IQCH: variants seen among roughly 807,000 people sequenced by gnomAD.
IQCH encodes the protein IQ motif containing H.
A neutral mutation model predicts 117.0 loss-of-function variants in IQCH; 98 were observed. The observed-to-expected ratio is 0.84, with a 90% CI of 0.71 to 0.99. IQCH has a LOEUF of 0.99. Ranked by LOEUF, IQCH falls within the 50% of genes least tolerant of loss-of-function variation. IQCH has a pLI of 0.00. For missense variants in IQCH, 1,102 were observed against 1,243.8 expected (o/e 0.89, Z 1.72); for synonymous variants, 412 against 448.2 (o/e 0.92, Z 1.02).
At chr15:67,438,801 G>A (rs1345607534) in intron 16 of IQCH, among the ~76,000 whole-genome samples, 1 of 152,166 alleles carries the variant, frequency 6.6e-6, no homozygotes, top group Non-Finnish European at 1.5e-5. Flanking sequence ...CAGCAGTTAA[G>A]AGACAAAGAG....
rs1351075775 is a variant in IQCH, at chr15:67,426,114, C to T, written c.2505+4537C>T. Among the ~76,000 whole-genome samples the T allele has an allele frequency of 2.6e-5, 4 of 152,106 alleles. No individual in the cohort carries two copies. Among genetic ancestry groups the T allele is most frequent in the Non-Finnish European group, 4.4e-5 (3 of 68,024 alleles). On this transcript the variant is annotated intron_variant, in intron 16 of 20. Transcript: ENST00000335894. This position sits in a 1 kb window ranked among gnomAD's most constrained non-coding sequence, Gnocchi z 5.1. ...ATTTTCCTTGCCCTGGACCTAGGAT[C>T]GACTCAGAAGCCCTGTAAGATCTGG...
At chr15:67,262,265 G>A (rs981475855) in intron 2 of IQCH, among the ~76,000 whole-genome samples, 7 of 152,118 alleles carry the variant, frequency 4.6e-5, no homozygotes, top group East Asian at 1.9e-4. Flanking sequence ...ATCTAAGGTC[G>A]GGGAGAATCC....
rs1567183430 is a variant in IQCH, at chr15:67,432,927, A to T, written c.2505+11350A>T. On this transcript the variant is annotated intron_variant, in intron 16 of 20. Transcript: ENST00000335894. The surrounding 1 kb of genome is among the most constrained non-coding windows in gnomAD (Gnocchi z 5.0). ...CAAGATCTCCCCTATCTCTGTTTTC[A>T]AGATATACAAGGTATTCACCAAGGA... is the stretch of plus-strand genomic sequence containing the variant. Among the ~76,000 whole-genome samples, 1 of 152,214 alleles carries T rather than the reference A, an allele frequency of 6.6e-6. No homozygotes were observed. Among genetic ancestry groups the T allele is most frequent in the Non-Finnish European group, 1.5e-5 (1 of 68,028 alleles).
At chr15:67,449,699 G>A (rs2082472831) in intron 16 of IQCH, among the ~76,000 whole-genome samples, 1 of 152,170 alleles carries the variant, frequency 6.6e-6, no homozygotes, top group Admixed American at 6.5e-5. Flanking sequence ...GATTGACTTG[G>A]CCATGTGGGC....
chr15:67,324,753 T>C (rs1421787918), intron 4 of IQCH, among the ~76,000 whole-genome samples: 2 of 152,176 alleles, frequency 1.3e-5, no homozygotes, highest in Non-Finnish European at 1.5e-5. Flanking sequence ...TTCCATTGTT[T>C]CTGATGAGAA....
At chr15:67,303,602 T>C (rs1967157964) in intron 4 of IQCH, among the ~76,000 whole-genome samples, 1 of 152,068 alleles carries the variant, frequency 6.6e-6, no homozygotes, top group Admixed American at 6.6e-5. Flanking sequence ...AGAAACTGAC[T>C]TCCATAGAGG....
rs1971831628 is a variant in IQCH at position 67,405,017 on chromosome 15, G to A, written c.2097+4712G>A. 1 of 152,094 alleles carries A rather than the reference G, an allele frequency of 6.6e-6. No individual in the cohort carries two copies. The highest frequency in any genetic ancestry group is 2.4e-5 in the African/African-American group (1 of 41,424). 9.4% of individuals were successfully genotyped at this position (152,094 alleles called of 1,614,324 possible). A position where few individuals can be genotyped will look rare whatever the true frequency, so the allele number is the denominator to read the frequency against. The stretch of plus-strand genomic sequence containing the variant: ...TTTTACCACAACCTTACCACCAATG[G>A]ATATTATGAACTATTTGCACTTTTA... On this transcript the variant is annotated intron_variant, in intron 14 of 20. Coordinates refer to ENST00000335894, the MANE Select transcript of IQCH (RefSeq NM_001031715.3). The surrounding 1 kb of genome is among the most constrained non-coding windows in gnomAD (Gnocchi z 4.8).
intron 16 of IQCH, among the ~76,000 whole-genome samples, chr15:67,461,268 G>A (rs943715380): frequency 9.2e-5 from 14 of 152,200 alleles, no homozygotes; most frequent in African/African-American, 1.9e-4. Context: ...GGCCTGGCAC[G>A]GAGGAGGTGC....
rs2082960691 is a variant in IQCH at position 67,467,336 on chromosome 15, G to A, written c.2676+2039G>A. Among the ~76,000 whole-genome samples the A allele has an allele frequency of 6.6e-6, 1 of 152,226 alleles. No homozygotes were observed. The highest frequency in any genetic ancestry group is 1.5e-5 in the Non-Finnish European group (1 of 68,044). ...TCAGAAGGCTATCAGCAGAAGTTGT[G>A]CTTTGAGTGAGAAGCACTCTTCCAT... On this transcript the variant is annotated intron_variant, in intron 17 of 20. Transcript: ENST00000335894. This position sits in a 1 kb window ranked among gnomAD's most constrained non-coding sequence, Gnocchi z 5.7.
intron 4 of IQCH, among the ~76,000 whole-genome samples, chr15:67,327,326 T>C (rs975065850): frequency 1.3e-5 from 2 of 152,206 alleles, no homozygotes; most frequent in African/African-American, 2.4e-5. Context: ...TTTGGTCATC[T>C]ATTTAAAAAC....
intron 18 of IQCH, among the ~76,000 whole-genome samples, chr15:67,477,142 C>T (rs1198803148): frequency 2.1e-5 from 3 of 144,960 alleles, no homozygotes; most frequent in African/African-American, 7.7e-5. Context: ...CCTCCGCCTC[C>T]TGGGTTCAAG....
intron 16 of IQCH, among the ~76,000 whole-genome samples, chr15:67,462,352 C>T (rs1034783959): frequency 1.3e-5 from 2 of 150,658 alleles, no homozygotes; most frequent in Non-Finnish European, 3.0e-5. Context: ...TGCTTGAACC[C>T]GGGAGGCAGA....
chr15:67,302,259 A>G (rs375120682), intron 4 of IQCH, among the ~76,000 whole-genome samples: 1 of 152,192 alleles, frequency 6.6e-6, no homozygotes, highest in East Asian at 1.9e-4. Context: ...AGTCAATACA[A>G]TACATATTAG....
rs200254535 is a variant in IQCH, at chr15:67,441,122, C to CAAAAAAAAAAAA, written c.2505+19565_2505+19576dup. Among the ~76,000 whole-genome samples the CAAAAAAAAAAAA allele has an allele frequency of 3.3e-4, 18 of 54,006 alleles. 1 individual carries two copies. The highest frequency in any genetic ancestry group is 6.2e-4 in the South Asian group (1 of 1,604). 35.4% of individuals were successfully genotyped at this position (54,006 alleles called of 152,430 possible). A position where few individuals can be genotyped will look rare whatever the true frequency, so the allele number is the denominator to read the frequency against. On this transcript the variant is annotated intron_variant, in intron 16 of 20. Transcript: ENST00000335894. ...AACTCAACTCCTTTTGCAATAGCTG[C>CAAAAAAAAAAAA]AAAAAAAAAAAAAAAAAAAAAAAAA...
intron 8 of IQCH, among the ~76,000 whole-genome samples, chr15:67,361,897 TC>T (rs1470608825): frequency 1.2e-4 from 18 of 152,334 alleles, no homozygotes; most frequent in Admixed American, 8.5e-4. Context: ...AGGAAATAAA[TC>T]TTTTTATTAT....
At chr15:67,255,515 T>C (rs1965128646) in intron 1 of IQCH, among the ~76,000 whole-genome samples, 1 of 152,236 alleles carries the variant, frequency 6.6e-6, no homozygotes, top group Admixed American at 6.5e-5. Context: ...GAAAGTCTTG[T>C]CCAATACAGC....
At chr15:67,283,457 C>T (rs1208694235) in intron 4 of IQCH, among the ~76,000 whole-genome samples, 1 of 151,818 alleles carries the variant, frequency 6.6e-6, no homozygotes, top group Non-Finnish European at 1.5e-5. Flanking sequence ...CAATTATTCA[C>T]ATAAAATATA....
chr15:67,412,504 G>T (rs887901945), intron 14 of IQCH, among the ~76,000 whole-genome samples: 1 of 151,982 alleles, frequency 6.6e-6, no homozygotes, highest in Non-Finnish European at 1.5e-5. Flanking sequence ...CTGCCTCCTG[G>T]ATTCAAGCCT....
Position 67,494,117 on chromosome 15 carries a change from T to G in IQCH, c.2862-141T>G. 1 of 547,080 alleles carries G rather than the reference T, an allele frequency of 1.8e-6. No homozygotes were observed. Among genetic ancestry groups the G allele is most frequent in the Non-Finnish European group, 3.2e-6 (1 of 315,394 alleles). 33.9% of individuals were successfully genotyped at this position (547,080 alleles called of 1,614,324 possible). A position where few individuals can be genotyped will look rare whatever the true frequency, so the allele number is the denominator to read the frequency against. ...TTAAAATGGAGTCTCATCTTTCATA[T>G]CTCCCTGAAGATTGCCACCTTGTGA... On this transcript the variant is annotated intron_variant, in intron 19 of 20. Coordinates refer to ENST00000335894, the MANE Select transcript of IQCH (RefSeq NM_001031715.3). The surrounding 1 kb of genome is among the most constrained non-coding windows in gnomAD (Gnocchi z 5.5).
Sources: gnomAD v4.1 joint callset for allele counts (sites outside exome capture counted in the v4.1 genomes callset) on GRCh38, gnomAD v4.1.1 for gene constraint, Gnocchi (gnomAD v3.1) non-coding constraint, MANE v1.5 for transcripts, NCBI Gene and HGNC (gene_info 2026-07-23, HGNC 2026-07-21) for gene names.